The following TMPRSS11A variants were observed in gnomAD, a reference collection of about 807,000 sequenced individuals.
The protein encoded by TMPRSS11A is transmembrane protease serine 11A.
A neutral mutation model predicts 58.9 loss-of-function variants in TMPRSS11A; 53 were observed. The observed-to-expected ratio is 0.90, with a 90% CI of 0.72 to 1.13. The LOEUF (loss-of-function observed/expected upper bound fraction) is 1.13. Among genes scored for constraint, TMPRSS11A ranks in the 50% most tolerant of loss-of-function variants. The pLI is 0.00. For synonymous variants in TMPRSS11A, 167 were observed against 169.8 expected, an observed-to-expected ratio of 0.98 and a Z score of 0.13; for missense variants, 493 against 499.3, an observed-to-expected ratio of 0.99 and a Z score of 0.12.
At chr4:67,953,340 G>C (rs919980261) in intron 1 of TMPRSS11A, among the ~76,000 whole-genome samples, 4 of 151,992 alleles carry the variant, frequency 2.6e-5, no homozygotes, top group Admixed American at 6.5e-5. Flanking sequence ...AAGATGAGCA[G>C]CTTTTCTTAG....
At chr4:67,933,314 T>A (rs559834608) in intron 3 of TMPRSS11A, among the ~76,000 whole-genome samples, 1 of 152,260 alleles carries the variant, frequency 6.6e-6, no homozygotes, top group African/African-American at 2.4e-5. Context: ...TTATGTGAAT[T>A]TCCCTGGCAT....
At chr4:67,960,294 T>TA (rs1045285145) in intron 1 of TMPRSS11A, among the ~76,000 whole-genome samples, 1 of 152,126 alleles carries the variant, frequency 6.6e-6, no homozygotes, top group Non-Finnish European at 1.5e-5. Flanking sequence ...TGTTGAAATT[T>TA]AAAAAAATTA....
intron 3 of TMPRSS11A, among the ~76,000 whole-genome samples, chr4:67,943,306 A>G (rs1720923553): frequency 1.3e-5 from 2 of 152,224 alleles, no homozygotes; most frequent in African/African-American, 4.8e-5. Flanking sequence ...TTGCTTAGTT[A>G]ACTTACAACA....
intron 3 of TMPRSS11A, among the ~76,000 whole-genome samples, chr4:67,938,436 T>C (rs1170674062): frequency 6.6e-6 from 1 of 152,214 alleles, no homozygotes; most frequent in African/African-American, 2.4e-5. Context: ...CAATTTTTGT[T>C]TTTGTTGCAG....
intron 1 of TMPRSS11A, 100 bp from the exon 2 acceptor site, chr4:67,946,671 C>T (rs865932299): frequency 8.1e-7 from 1 of 1,241,854 alleles, no homozygotes; most frequent in Admixed American, 2.9e-5. Context: ...CCTACCTTTC[C>T]CTGCAAAAAG....
At chr4:67,915,176 AGATAT>A (rs1190458017) in intron 8 of TMPRSS11A, among the ~76,000 whole-genome samples, 5 of 152,056 alleles carry the variant, frequency 3.3e-5, no homozygotes, top group Admixed American at 3.3e-4. Flanking sequence ...CACATATATA[AGATAT>A]ATGTGAAATA....
intron 7 of TMPRSS11A, 39 bp from the exon 8 acceptor site, chr4:67,919,271 G>A: frequency 6.3e-7 from 1 of 1,586,256 alleles, no homozygotes; most frequent in South Asian, 1.1e-5. Flanking sequence ...TATATAAGCT[G>A]CCCAAAGTAT....
intron 4 of TMPRSS11A, among the ~76,000 whole-genome samples, chr4:67,931,539 A>C (rs1033706283): frequency 6.6e-6 from 1 of 152,214 alleles, no homozygotes; most frequent in African/African-American, 2.4e-5. Flanking sequence ...TTGTTTAGGC[A>C]TGCCTTATGT....
chr4:67,931,039 A>G (rs1720603128), intron 4 of TMPRSS11A, among the ~76,000 whole-genome samples: 1 of 152,114 alleles, frequency 6.6e-6, no homozygotes, highest in Non-Finnish European at 1.5e-5. Flanking sequence ...ACCAGGTATT[A>G]TATAGTGATG....
chr4:67,920,379 A>C (rs1209714698), intron 7 of TMPRSS11A, among the ~76,000 whole-genome samples: 1 of 151,742 alleles, frequency 6.6e-6, no homozygotes, highest in East Asian at 1.9e-4. Flanking sequence ...TTATTTTGTT[A>C]TGTGTGACAC....
At chr4:67,948,995 A>G (rs971810568) in intron 1 of TMPRSS11A, among the ~76,000 whole-genome samples, 1 of 152,166 alleles carries the variant, frequency 6.6e-6, no homozygotes, top group African/African-American at 2.4e-5. Context: ...TTATGTATTA[A>G]TCTATTCATT....
chr4:67,947,484 C>G (rs1195069380), intron 1 of TMPRSS11A, among the ~76,000 whole-genome samples: 1 of 152,114 alleles, frequency 6.6e-6, no homozygotes, highest in Non-Finnish European at 1.5e-5. Flanking sequence ...GAATGCTTTC[C>G]TGTGGTATTA....
At chr4:67,959,968 C>T (rs1721385295) in intron 1 of TMPRSS11A, among the ~76,000 whole-genome samples, 1 of 152,140 alleles carries the variant, frequency 6.6e-6, no homozygotes, top group Non-Finnish European at 1.5e-5. Context: ...TACATATACA[C>T]CATGGAATAC....
At chr4:67,931,355 C>T (rs1303510909) in intron 4 of TMPRSS11A, among the ~76,000 whole-genome samples, 1 of 152,034 alleles carries the variant, frequency 6.6e-6, no homozygotes, top group Non-Finnish European at 1.5e-5. Flanking sequence ...TTTTCTTTAT[C>T]TTTAAGAAAT....
At chr4:67,944,464 C>A (rs1338311427) in intron 3 of TMPRSS11A, 55 bp downstream of exon 3, 1 of 1,568,074 alleles carries the variant, frequency 6.4e-7, no homozygotes, top group Non-Finnish European at 8.6e-7. Flanking sequence ...AAATGATCCA[C>A]AAAATCCCTT....
At chr4:67,930,113 T>A (rs1435811001) in intron 4 of TMPRSS11A, 73 bp from the exon 5 acceptor site, 2 of 1,395,558 alleles carry the variant, frequency 1.4e-6, no homozygotes, top group Non-Finnish European at 2.0e-6. Flanking sequence ...ACCTGTATCT[T>A]CCTCCCCTGA....
chr4:67,946,390 G>T, intron 2 of TMPRSS11A, 60 bp downstream of exon 2: 1 of 1,516,314 alleles, frequency 6.6e-7, no homozygotes, highest in Non-Finnish European at 8.8e-7. Flanking sequence ...TTACATATAT[G>T]TAAATGGAGC....
intron 8 of TMPRSS11A, among the ~76,000 whole-genome samples, chr4:67,915,878 TA>T (rs1160648971): frequency 1.3e-5 from 2 of 152,294 alleles, no homozygotes; most frequent in East Asian, 3.9e-4. Flanking sequence ...GAGATAAAAA[TA>T]AATGAGTGCT....
chr4:67,931,921 A>C (rs1363209201), intron 4 of TMPRSS11A, 72 bp downstream of exon 4: 1 of 904,318 alleles, frequency 1.1e-6, no homozygotes, highest in Non-Finnish European at 1.8e-6. Flanking sequence ...CATACAATAC[A>C]TGAGAGTCCC....
Sources: gnomAD v4.1 joint callset for allele counts (sites outside exome capture counted in the v4.1 genomes callset) on GRCh38, gnomAD v4.1.1 for gene constraint, MANE v1.5 for transcripts, NCBI Gene and HGNC (gene_info 2026-07-23, HGNC 2026-07-21) for gene names.